SEC61A1: variants seen among roughly 807,000 people sequenced by gnomAD.
SEC61A1 encodes protein transport protein Sec61 subunit alpha isoform 1.
A neutral mutation model predicts 55.2 loss-of-function variants in SEC61A1; 15 were observed. That is an observed-to-expected ratio of 0.27 (90% confidence interval 0.18 to 0.42). SEC61A1 has a LOEUF of 0.42. Among genes scored for constraint, SEC61A1 ranks in the 10% least tolerant of loss-of-function variants. SEC61A1 has a pLI of 1.00. For missense variants in SEC61A1, 284 were observed against 602.6 expected (o/e 0.47, Z 5.53); for synonymous variants, 247 against 234.0 (o/e 1.06, Z -0.51).
intron 7 of SEC61A1, among the ~76,000 whole-genome samples, chr3:128,061,829 G>T (rs1452142887): frequency 1.3e-5 from 2 of 152,202 alleles, no homozygotes; most frequent in Non-Finnish European, 1.5e-5. Context: ...TGGCTTTTGG[G>T]GAGTGCCTGA....
At position 128,069,826 on chromosome 3, in the gene SEC61A1, A is replaced by T. The variant is rs1942103662; in HGVS notation, c.*164A>T. On this transcript the variant is annotated 3_prime_UTR_variant, in exon 12 of 12. Transcript: ENST00000243253. ...AGTGCTAGACATTTTCCAATTTAAA[A>T]TTTTGCTTTTTATCCTGGCACTGGC... 1 of 706,452 alleles carries T rather than the reference A, an allele frequency of 1.4e-6. No homozygotes were observed. Among genetic ancestry groups the T allele is most frequent in the African/African-American group, 1.8e-5 (1 of 55,474 alleles). The allele number at this position is 706,452 out of a possible 1,614,324, so 43.8% of individuals were successfully genotyped here.
At chr3:128,055,393 C>A in intron 2 of SEC61A1, 123 bp from the exon 3 acceptor site, 1 of 793,366 alleles carries the variant, frequency 1.3e-6, no homozygotes, top group Non-Finnish European at 2.2e-6. Context: ...GGCTTCTCTG[C>A]TGAACAGAGA....
intron 5 of SEC61A1, among the ~76,000 whole-genome samples, chr3:128,059,256 G>C (rs182745053): frequency 5.3e-5 from 8 of 152,052 alleles, no homozygotes; most frequent in Non-Finnish European, 1.2e-4. Flanking sequence ...GGTGGATCAC[G>C]AGGTCAGGAG....
chr3:128,068,100 C>T (rs1274579500), intron 11 of SEC61A1, 41 bp downstream of exon 11: 3 of 1,535,594 alleles, frequency 2.0e-6, no homozygotes, highest in African/African-American at 1.4e-5. Context: ...CGTCTGTGGA[C>T]ATGTGTTGTT....
chr3:128,051,954 A>C, upstream of SEC61A1: 1 of 1,443,816 alleles, frequency 6.9e-7, no homozygotes, highest in South Asian at 1.2e-5. Context: ...GTAATGACGG[A>C]GACCTACTAG....
chr3:128,069,352 T>A, intron 11 of SEC61A1, 124 bp from the exon 12 acceptor site: 1 of 913,742 alleles, frequency 1.1e-6, no homozygotes, highest in South Asian at 1.6e-5. Context: ...GTAGATGACT[T>A]TCTAGGAGAC....
chr3:128,058,575 CAT>C (rs1576420271), intron 5 of SEC61A1, among the ~76,000 whole-genome samples: 2 of 152,276 alleles, frequency 1.3e-5, no homozygotes, highest in East Asian at 3.9e-4. Context: ...AAAATACACA[CAT>C]GTGGCTGGGA....
chr3:128,060,301 A>G lies in SEC61A1; in HGVS notation c.462+90A>G, dbSNP rs890698819. On this transcript the variant is annotated intron_variant, in intron 6 of 11. Transcript: ENST00000243253. ...CGAATCTCAAGCACACCTAAAAGGA[A>G]CTCCTACTGAAAGGAAGCAGAAGCC... 10 of 1,124,120 alleles carry G rather than the reference A, an allele frequency of 8.9e-6. No homozygotes were observed. The African/African-American group carries it at 1.5e-4, about 17-fold the overall frequency. 69.6% of individuals were successfully genotyped at this position (1,124,120 alleles called of 1,614,324 possible).
At chr3:128,056,088 ATTTG>A (rs543058666) in intron 4 of SEC61A1, among the ~76,000 whole-genome samples, 147 of 152,328 alleles carry the variant, frequency 9.7e-4, no homozygotes, top group Non-Finnish European at 1.6e-3. Context: ...AGAATATGTA[ATTTG>A]TTTTTCAGCT....
chr3:128,056,689 T>C lies in SEC61A1; in HGVS notation c.221-20T>C, dbSNP rs750206429. ...GTTTCCAAGCTGATATTGACTGTTT[T>C]GCTTCCCCGTTTCCTCAAGGCACAT... On this transcript the variant is annotated intron_variant, in intron 4 of 11. Coordinates refer to ENST00000243253, the MANE Select transcript of SEC61A1 (RefSeq NM_013336.4). 6.0e-5 allele frequency: 91 copies of C among 1,504,770 alleles called. 2 individuals carry two copies. The South Asian group carries it at 1.2e-3, about 19-fold the overall frequency. The allele number at this position is 1,504,770 out of a possible 1,614,324, so 93.2% of individuals were successfully genotyped here. A position where few individuals can be genotyped will look rare whatever the true frequency, so the allele number is the denominator to read the frequency against.
rs762838276 is a variant in SEC61A1 at position 128,067,393 on chromosome 3, C to G, written c.976-28C>G. ...TGCTAAAGTAAAATGAAGGAGCACT[C>G]ACATGCGTTTGGTTTCTTCTTCCCC... On this transcript the variant is annotated intron_variant, in intron 9 of 11. Transcript: ENST00000243253. The surrounding 1 kb of genome is among the most constrained non-coding windows in gnomAD (Gnocchi z 4.1). 2.5e-6 allele frequency: 4 copies of G among 1,595,616 alleles called. No homozygotes were observed. In the South Asian group the frequency reaches 4.5e-5, roughly 18 times the overall value.
chr3:128,065,535 T>G (rs1167978529), intron 8 of SEC61A1, among the ~76,000 whole-genome samples: 1 of 152,172 alleles, frequency 6.6e-6, no homozygotes, highest in Non-Finnish European at 1.5e-5. Context: ...CTTTGTATTT[T>G]TTGATGGTCC....
In SEC61A1 at chr3:128,060,145, G is replaced by A. The variant is rs1349622645; in HGVS notation, c.396G>A (p.Val132=). 1 of 1,614,114 alleles carries A rather than the reference G, an allele frequency of 6.2e-7. No individual in the cohort carries two copies. Among genetic ancestry groups the A allele is most frequent in the Admixed American group, 1.7e-5 (1 of 60,014 alleles). Residue 132 remains valine (V), a synonymous_variant, in exon 6 of 12, where the codon GTG becomes GTA. Coordinates refer to ENST00000243253, the MANE Select transcript of SEC61A1 (RefSeq NM_013336.4). ...CTATCGGCCAGTCTATCGTGTATGT[G>A]ATGACCGGGATGTATGGGGACCCTT... ...IITIGQSIVY[V]MTGMYGDPSE... is the part of the protein sequence containing the mutation.
upstream of SEC61A1, chr3:128,052,022 C>A: frequency 1.2e-6 from 1 of 830,792 alleles, no homozygotes; most frequent in South Asian, 1.5e-5. Context: ...AGCTTACGGT[C>A]TATTCACTAA....
Position 128,060,226 on chromosome 3 carries a change from A to G in SEC61A1, c.462+15A>G. Reference sequence around the variant, plus strand: ...TCACCATTCAGGTAATTATTATGCTAACATCTCCCTTTGAGTAGCCCCTCA... The same window carrying G: ...TCACCATTCAGGTAATTATTATGCTGACATCTCCCTTTGAGTAGCCCCTCA... On this transcript the variant is annotated intron_variant, in intron 6 of 11. Coordinates refer to ENST00000243253, the MANE Select transcript of SEC61A1 (RefSeq NM_013336.4). 6 of 1,555,202 alleles carry G rather than the reference A, an allele frequency of 3.9e-6. No homozygotes were observed. Among genetic ancestry groups the G allele is most frequent in the East Asian group, 2.2e-5 (1 of 44,574 alleles).
At position 128,068,074 on chromosome 3, in the gene SEC61A1, C is replaced by G; in HGVS notation, c.1244+15C>G. On this transcript the variant is annotated intron_variant, in intron 11 of 11. Coordinates refer to ENST00000243253, the MANE Select transcript of SEC61A1 (RefSeq NM_013336.4). The stretch of plus-strand genomic sequence containing the variant: ...GAACTCAACCGGTGAGTGGTGGCCC[C>G]AGGTCCCCAACCTCCCGTCTGTGGA... The G allele has an allele frequency of 6.2e-7, 1 of 1,609,858 alleles. No individual in the cohort carries two copies. Among genetic ancestry groups the G allele is most frequent in the East Asian group, 2.2e-5 (1 of 44,828 alleles).
Position 128,065,141 on chromosome 3 carries a change from G to A in SEC61A1, c.777+104G>A, listed in dbSNP as rs749754789. 16 of 1,232,038 alleles carry A rather than the reference G, an allele frequency of 1.3e-5. No individual in the cohort carries two copies. The South Asian group carries it at 1.9e-4, about 15-fold the overall frequency. 76.3% of individuals were successfully genotyped at this position (1,232,038 alleles called of 1,614,324 possible). A position where few individuals can be genotyped will look rare whatever the true frequency, so the allele number is the denominator to read the frequency against. ...CTGTGGGGTGCACTGTCATCATATTGTGTTGAAACGATGAGATGGTATTTG... is the reference window on the plus strand; with the variant it reads ...CTGTGGGGTGCACTGTCATCATATTATGTTGAAACGATGAGATGGTATTTG... On this transcript the variant is annotated intron_variant, in intron 8 of 11. Transcript: ENST00000243253.
intron 7 of SEC61A1, 121 bp downstream of exon 7, chr3:128,060,782 C>T: frequency 1.9e-6 from 2 of 1,071,518 alleles, no homozygotes; most frequent in Non-Finnish European, 2.6e-6. Flanking sequence ...AGGTTTATCT[C>T]TTCTGGTGTT....
rs1559798886 is a variant in SEC61A1 at position 128,067,370 on chromosome 3, C to G, written c.976-51C>G. The G allele has an allele frequency of 6.4e-7, 1 of 1,561,702 alleles. No homozygotes were observed. The highest frequency in any genetic ancestry group is 8.7e-7 in the Non-Finnish European group (1 of 1,151,898). ...GCTCAGAACTATTTTTGCCTTGATG[C>G]TAAAGTAAAATGAAGGAGCACTCAC... On this transcript the variant is annotated intron_variant, in intron 9 of 11. Transcript: ENST00000243253. This position sits in a 1 kb window ranked among gnomAD's most constrained non-coding sequence, Gnocchi z 4.1.
Sources: allele counts gnomAD v4.1 joint callset (sites outside exome capture counted in the v4.1 genomes callset), GRCh38; gene constraint gnomAD v4.1.1; non-coding constraint Gnocchi (gnomAD v3.1); transcripts MANE v1.5; gene names NCBI Gene and HGNC (gene_info 2026-07-23, HGNC 2026-07-21).